BRD9: variants seen among roughly 807,000 people sequenced by gnomAD.
BRD9 encodes bromodomain-containing protein 9.
A neutral mutation model predicts 68.7 loss-of-function variants in BRD9; 47 were observed. That is an observed-to-expected ratio of 0.68 (90% CI 0.54 to 0.87). BRD9 has a LOEUF of 0.87. Among genes scored for constraint, BRD9 ranks in the 40% least tolerant of loss-of-function variants. BRD9 has a pLI of 0.00. For synonymous variants in BRD9, 313 were observed against 293.9 expected (o/e 1.06, Z -0.67); for missense variants, 670 against 748.4 (o/e 0.90, Z 1.22).
intron 13 of BRD9, 30 bp from the exon 14 acceptor site, chr5:870,605 T>C (rs1373262858): frequency 1.3e-6 from 2 of 1,515,708 alleles, no homozygotes; most frequent in Non-Finnish European, 1.8e-6. Context: ...TCAAGAGCAA[T>C]TCAAACATCA....
intron 3 of BRD9, chr5:890,136 C>T (rs1208006949): frequency 3.7e-6 from 1 of 273,692 alleles, no homozygotes; most frequent in African/African-American, 2.2e-5. Context: ...TATCTGAGCC[C>T]AGGAGTGAAT....
intron 12 of BRD9, among the ~76,000 whole-genome samples, chr5:872,515 G>T (rs72703138): frequency 0.034 from 5,247 of 152,254 alleles, 128 homozygotes; most frequent in Non-Finnish European, 0.049. Flanking sequence ...CGCTGTGTTG[G>T]GGGGGCCAGC....
At chr5:868,068 GCTGTTCT>G in intron 14 of BRD9, among the ~76,000 whole-genome samples, 1 of 152,274 alleles carries the variant, frequency 6.6e-6, no homozygotes. Context: ...TTTCCCCCTT[GCTGTTCT>G]CTGTTCTCAT....
At chr5:864,591 C>T in intron 15 of BRD9, 23 bp from the exon 16 acceptor site, 1 of 1,604,642 alleles carries the variant, frequency 6.2e-7, no homozygotes. Context: ...GAACACAGGA[C>T]TTCAACACAC....
At chr5:876,287 A>G in intron 11 of BRD9, 75 bp from the exon 12 acceptor site, 1 of 1,159,982 alleles carries the variant, frequency 8.6e-7, no homozygotes, top group Non-Finnish European at 1.3e-6. Flanking sequence ...CTGATCACAG[A>G]AGCCTGCCGT....
At position 865,496 on chromosome 5, in the gene BRD9, T is replaced by C; in HGVS notation, c.1611A>G (p.Ala537=). 1.2e-6 allele frequency: 2 copies of C among 1,607,390 alleles called. No individual in the cohort carries two copies. Among genetic ancestry groups the C allele is most frequent in the Non-Finnish European group, 1.7e-6 (2 of 1,178,030 alleles). Residue 537 remains alanine, a synonymous_variant, in exon 15 of 16, where the codon GCA becomes GCG. Coordinates refer to ENST00000467963, the MANE Select transcript of BRD9 (RefSeq NM_023924.5). The part of the protein sequence containing the change: ...TTKLLQDLHE[A]QAERGGSRPS... ...GCCGAGAGCCGCCGCGCTCCGCCTG[T>C]GCTTCGTGCAGGTCCTGCAGGAGCT...
At chr5:889,435 C>A in intron 4 of BRD9, 152 bp downstream of exon 4, 1 of 890,262 alleles carries the variant, frequency 1.1e-6, no homozygotes, top group Non-Finnish European at 1.7e-6. Flanking sequence ...TTCATGAACT[C>A]TTCCTACGCA....
Position 892,521 on chromosome 5 carries a change from C to G in BRD9, c.52+85G>C, listed in dbSNP as rs1753613851. On this transcript the variant is annotated intron_variant, in intron 1 of 15. Transcript: ENST00000467963. ...TCGTGGCCAGGACCTCGCCCGGTGCCCAGGACCCCCGTCCGCGTGCCCGGA... is the reference window on the plus strand; with the variant it reads ...TCGTGGCCAGGACCTCGCCCGGTGCGCAGGACCCCCGTCCGCGTGCCCGGA... The G allele has an allele frequency of 4.0e-6, 6 of 1,499,444 alleles. No homozygotes were observed. In the African/African-American group the frequency reaches 7.1e-5, roughly 18 times the overall value. The allele number at this position is 1,499,444 out of a possible 1,614,324, so 92.9% of individuals were successfully genotyped here.
At chr5:883,021 C>G in intron 8 of BRD9, 1 of 329,198 alleles carries the variant, frequency 3.0e-6, no homozygotes, top group Non-Finnish European at 5.9e-6. Context: ...CTGCAACCTC[C>G]CAACACGCAA....
intron 8 of BRD9, 141 bp downstream of exon 8, chr5:883,797 T>C: frequency 8.3e-7 from 1 of 1,204,288 alleles, no homozygotes; most frequent in South Asian, 1.5e-5. Context: ...GTGTGTCTGA[T>C]CCGGACCTCC....
chr5:873,666 G>C (rs1235030935), intron 12 of BRD9, among the ~76,000 whole-genome samples: 3 of 152,282 alleles, frequency 2.0e-5, no homozygotes, highest in Admixed American at 6.5e-5. Context: ...ACCTTGCTTG[G>C]CGCCCTGCAA....
chr5:865,758 C>T (rs1411012993), intron 14 of BRD9, 177 bp from the exon 15 acceptor site: 1 of 644,486 alleles, frequency 1.6e-6, no homozygotes, highest in Non-Finnish European at 2.6e-6. Context: ...CAGACATTAC[C>T]CTTAGCAGTG....
intron 13 of BRD9, 70 bp from the exon 14 acceptor site, chr5:870,645 G>C: frequency 1.8e-6 from 2 of 1,089,532 alleles, no homozygotes; most frequent in East Asian, 4.9e-5. Flanking sequence ...CTTCACACTC[G>C]CTATTGAAAT....
Position 864,218 on chromosome 5 carries a change from G to A in BRD9, c.*250C>T, listed in dbSNP as rs569614516. 56 of 323,702 alleles carry A rather than the reference G, an allele frequency of 1.7e-4. No homozygotes were observed. Among genetic ancestry groups the A allele is most frequent in the Non-Finnish European group, 2.3e-4 (40 of 175,144 alleles). 20.1% of individuals were successfully genotyped at this position (323,702 alleles called of 1,614,324 possible). On this transcript the variant is annotated 3_prime_UTR_variant, in exon 16 of 16. Transcript: ENST00000467963. ...TATGACTCCACTCCTCAGGGTTCAC[G>A]GGGCTGTGTACAGAGACTCTCTCTG...
chr5:891,504 G>A (rs1000980254), intron 2 of BRD9, 136 bp downstream of exon 2: 17 of 1,385,088 alleles, frequency 1.2e-5, no homozygotes, highest in African/African-American at 2.9e-5. Context: ...GGGCCTCAGC[G>A]GTTCGCGTTT....
chr5:886,942 G>A (rs1298003388), intron 6 of BRD9: 2 of 627,844 alleles, frequency 3.2e-6, no homozygotes, highest in Non-Finnish European at 2.7e-6. Context: ...GAGCGCGGCA[G>A]GTGCCGCACC....
At chr5:882,712 G>A (rs1010178722) in intron 8 of BRD9, among the ~76,000 whole-genome samples, 1 of 146,830 alleles carries the variant, frequency 6.8e-6, no homozygotes, top group Non-Finnish European at 1.5e-5. Context: ...CAACACATAA[G>A]CCACACAGAC....
chr5:869,746 A>T (rs1579910378), intron 14 of BRD9, among the ~76,000 whole-genome samples: 1 of 152,320 alleles, frequency 6.6e-6, no homozygotes, highest in East Asian at 1.9e-4. Flanking sequence ...CAATCAGGAA[A>T]TCTCTGAATC....
rs561668643 is a variant in BRD9, at chr5:865,498, C to T, written c.1609G>A (p.Ala537Thr). The T allele has an allele frequency of 3.1e-6, 5 of 1,607,654 alleles. No homozygotes were observed. In the South Asian group the frequency reaches 5.5e-5, roughly 18 times the overall value. ...CGAGAGCCGCCGCGCTCCGCCTGTGCTTCGTGCAGGTCCTGCAGGAGCTTC... is the reference window on the plus strand; with the variant it reads ...CGAGAGCCGCCGCGCTCCGCCTGTGTTTCGTGCAGGTCCTGCAGGAGCTTC... Reference protein sequence around the residue: ...TTKLLQDLHEAQAERGGSRPS... With the variant: ...TTKLLQDLHETQAERGGSRPS... The change falls in exon 15 of 16, where the codon GCA becomes ACA. Residue 537 changes from alanine to threonine, a missense_variant. Physicochemically the swap from Ala to Thr is moderately conservative, Grantham distance 58. Coordinates refer to ENST00000467963, the MANE Select transcript of BRD9 (RefSeq NM_023924.5).
Sources: gnomAD v4.1 joint callset for allele counts (sites outside exome capture counted in the v4.1 genomes callset) on GRCh38, gnomAD v4.1.1 for gene constraint, MANE v1.5 for transcripts, NCBI Gene and HGNC (gene_info 2026-07-23, HGNC 2026-07-21) for gene names.